The following BABAM2 variants were observed in gnomAD, a reference collection of about 807,000 sequenced individuals.
BABAM2 encodes BRISC and BRCA1 A complex member 2.
In BABAM2, 31 loss-of-function variants were observed where a neutral mutation model predicts 54.7. The observed-to-expected ratio is 0.57, with a 90% confidence interval of 0.43 to 0.77. The LOEUF (loss-of-function observed/expected upper bound fraction) is 0.77, where lower values mean the gene tolerates loss of function less well. Ranked by LOEUF, BABAM2 falls within the 30% of genes least tolerant of loss-of-function variation. The probability of loss-of-function intolerance (pLI) is 0.00; values close to 1 mark genes in which losing one functional copy is unlikely to be tolerated. For missense variants in BABAM2, 364 were observed against 455.8 expected (o/e 0.80, Z 1.83); for synonymous variants, 167 against 162.9 (o/e 1.03, Z -0.19).
chr2:28,146,389 C>A (rs1671495421), intron 7 of BABAM2, among the ~76,000 whole-genome samples: 1 of 152,202 alleles, frequency 6.6e-6, no homozygotes, highest in Non-Finnish European at 1.5e-5. Flanking sequence ...TACATTAGAT[C>A]ATTTATGTCC....
intron 7 of BABAM2, among the ~76,000 whole-genome samples, chr2:28,212,734 A>G (rs929741608): frequency 2.6e-5 from 4 of 152,218 alleles, no homozygotes; most frequent in African/African-American, 9.6e-5. Context: ...AATGTAAAAT[A>G]GTAGAGATTT....
At chr2:28,009,527 T>A (rs1205741752) in intron 4 of BABAM2, among the ~76,000 whole-genome samples, 1 of 152,162 alleles carries the variant, frequency 6.6e-6, no homozygotes, top group African/African-American at 2.4e-5. Flanking sequence ...TTGTTAAGGT[T>A]CGTGAAGCAC....
intron 6 of BABAM2, among the ~76,000 whole-genome samples, chr2:28,111,165 T>C (rs1179781288): frequency 6.7e-6 from 1 of 148,788 alleles, no homozygotes; most frequent in African/African-American, 2.5e-5. Flanking sequence ...TTTTTTTTAG[T>C]AGAGATGGGG....
intron 6 of BABAM2, among the ~76,000 whole-genome samples, chr2:28,124,413 T>G (rs1319183444): frequency 6.6e-6 from 1 of 152,184 alleles, no homozygotes; most frequent in Non-Finnish European, 1.5e-5. Flanking sequence ...TACTCTATCA[T>G]CTATAAAAGA....
At chr2:28,181,330 A>G (rs888750766) in intron 7 of BABAM2, among the ~76,000 whole-genome samples, 1 of 152,236 alleles carries the variant, frequency 6.6e-6, no homozygotes, top group Non-Finnish European at 1.5e-5. Flanking sequence ...ATGCAGCAAC[A>G]TGGAACTGCA....
intron 6 of BABAM2, among the ~76,000 whole-genome samples, chr2:28,105,284 A>C (rs1422757358): frequency 6.6e-6 from 1 of 152,222 alleles, no homozygotes; most frequent in East Asian, 1.9e-4. Context: ...TAGATTAAAT[A>C]ATGTCCCTGG....
intron 6 of BABAM2, among the ~76,000 whole-genome samples, chr2:28,086,083 A>G (rs1326103641): frequency 1.3e-5 from 2 of 152,214 alleles, no homozygotes; most frequent in Non-Finnish European, 2.9e-5. Context: ...ATATATTTTA[A>G]TTAGTCAATT....
intron 7 of BABAM2, among the ~76,000 whole-genome samples, chr2:28,157,785 T>C (rs569987378): frequency 3.3e-4 from 50 of 152,262 alleles, no homozygotes; most frequent in Non-Finnish European, 5.7e-4. Flanking sequence ...CTAATTTTTA[T>C]ATTTTTAGTA....
intron 7 of BABAM2, among the ~76,000 whole-genome samples, chr2:28,171,123 A>G (rs1414227475): frequency 6.6e-6 from 1 of 151,458 alleles, no homozygotes; most frequent in Non-Finnish European, 1.5e-5. Context: ...ATATATATAT[A>G]TATATATCTT....
At chr2:28,281,282 C>A (rs1052188185) in intron 10 of BABAM2, among the ~76,000 whole-genome samples, 4 of 152,084 alleles carry the variant, frequency 2.6e-5, no homozygotes, top group African/African-American at 9.7e-5. Context: ...CTGGCCTCCA[C>A]GTGTAGGACA....
chr2:27,901,773 T>A (rs1665808995), intron 2 of BABAM2, among the ~76,000 whole-genome samples: 1 of 152,182 alleles, frequency 6.6e-6, no homozygotes, highest in African/African-American at 2.4e-5. Flanking sequence ...TAATTTAGAT[T>A]TAGTTGTTCA....
intron 3 of BABAM2, among the ~76,000 whole-genome samples, chr2:27,970,144 T>C (rs924383484): frequency 6.6e-6 from 1 of 152,234 alleles, no homozygotes; most frequent in Admixed American, 6.5e-5. Flanking sequence ...TATTAATGTA[T>C]TTTTAACTTT....
At position 28,013,312 on chromosome 2, in the gene BABAM2, G is replaced by A. The variant is rs1002055073; in HGVS notation, c.301-11914G>A. ...GATTCCACCAGTAGGTCATCTCTTG[G>A]TAGATATTTGAACATGCCCTAGAAT... On this transcript the variant is annotated intron_variant, in intron 4 of 11. Coordinates refer to ENST00000379624, the MANE Select transcript of BABAM2 (RefSeq NM_199191.3). 141 of 454,586 alleles carry A rather than the reference G, an allele frequency of 3.1e-4. 1 individual carries two copies. Among genetic ancestry groups the A allele is most frequent in the Middle Eastern group, 1.6e-3 (5 of 3,060 alleles). The allele number at this position is 454,586 out of a possible 1,614,324, so 28.2% of individuals were successfully genotyped here.
intron 10 of BABAM2, among the ~76,000 whole-genome samples, chr2:28,288,633 C>T (rs1207959420): frequency 6.6e-6 from 1 of 152,074 alleles, no homozygotes; most frequent in African/African-American, 2.4e-5. Flanking sequence ...TATGAGATAC[C>T]AAAGGAGCAA....
intron 6 of BABAM2, among the ~76,000 whole-genome samples, chr2:28,122,178 TG>T (rs1358072104): frequency 9.2e-5 from 14 of 152,064 alleles, no homozygotes; most frequent in Admixed American, 9.2e-4. Flanking sequence ...ATTGCACCAC[TG>T]CACTCCAGCC....
intron 6 of BABAM2, among the ~76,000 whole-genome samples, chr2:28,051,829 T>C (rs1377007652): frequency 6.6e-6 from 1 of 151,752 alleles, no homozygotes; most frequent in East Asian, 1.9e-4. Context: ...TTTGTGTTTT[T>C]AATAGAGAGG....
rs147520771 is a variant in BABAM2, at chr2:28,016,595, A to T, written c.301-8631A>T. On this transcript the variant is annotated intron_variant, in intron 4 of 11. Transcript: ENST00000379624. ...CTAATTAACTTCTGTACATCCCAGA[A>T]TCCACTGTGTTTTAGACTGCAATGA... The T allele has an allele frequency of 7.0e-3, 3,605 of 518,672 alleles. 21 individuals carry two copies. Among genetic ancestry groups the T allele is most frequent in the Middle Eastern group, 0.012 (40 of 3,416 alleles). 32.1% of individuals were successfully genotyped at this position (518,672 alleles called of 1,614,324 possible).
chr2:27,996,448 A>G (rs543292555), intron 4 of BABAM2: 2 of 154,964 alleles, frequency 1.3e-5, no homozygotes, highest in East Asian at 3.9e-4. Flanking sequence ...CCCACAACAT[A>G]CTTCAGAATA....
chr2:28,199,547 A>G (rs1678024046), intron 7 of BABAM2, among the ~76,000 whole-genome samples: 1 of 152,152 alleles, frequency 6.6e-6, no homozygotes, highest in Non-Finnish European at 1.5e-5. Context: ...GACTATAATT[A>G]GGGCCCGGAA....
Sources: allele counts gnomAD v4.1 joint callset (sites outside exome capture counted in the v4.1 genomes callset), GRCh38; gene constraint gnomAD v4.1.1; transcripts MANE v1.5; gene names NCBI Gene and HGNC (gene_info 2026-07-23, HGNC 2026-07-21).